CHD2: variants seen among roughly 807,000 people sequenced by gnomAD.
CHD2 encodes ATP-dependent chromatin remodeler CHD2.
CHD2 carries 28 observed loss-of-function variants against 243.9 expected under a neutral mutation model. That is an observed-to-expected ratio of 0.11 (90% CI 0.09 to 0.16). The LOEUF (loss-of-function observed/expected upper bound fraction) is 0.16, where lower values mean the gene tolerates loss of function less well. CHD2 is among the 10% of genes least tolerant of loss of function. The probability of loss-of-function intolerance (pLI) is 1.00; values close to 1 mark genes in which losing one functional copy is unlikely to be tolerated. For synonymous variants in CHD2, 775 were observed against 779.0 expected (o/e 0.99, Z 0.09); for missense variants, 1,386 against 2,209.8 (o/e 0.63, Z 7.47).
chr15:92,903,016 C>CT (rs1290168925), intron 2 of CHD2, among the ~76,000 whole-genome samples: 1 of 152,166 alleles, frequency 6.6e-6, no homozygotes, highest in Non-Finnish European at 1.5e-5. Flanking sequence ...GAAGCATGTA[C>CT]TGACTGTACT....
At chr15:93,003,286 CAAAA>C (rs397853913) in intron 33 of CHD2, among the ~76,000 whole-genome samples, 33 of 131,000 alleles carry the variant, frequency 2.5e-4, no homozygotes, top group Middle Eastern at 3.8e-3. Flanking sequence ...GACCTTGTCT[CAAAA>C]AAAAAAAAAA....
chr15:92,935,042 T>C (rs184193396), intron 5 of CHD2, among the ~76,000 whole-genome samples: 8 of 151,130 alleles, frequency 5.3e-5, no homozygotes, highest in East Asian at 1.9e-4. Flanking sequence ...TTCTTTCTTT[T>C]TTTTTTTTTT....
At chr15:93,010,545 T>A (rs537045699) in intron 35 of CHD2, among the ~76,000 whole-genome samples, 1 of 152,226 alleles carries the variant, frequency 6.6e-6, no homozygotes, top group East Asian at 1.9e-4. Context: ...TGCTTCAGCC[T>A]CCTAAGTAGC....
intron 5 of CHD2, among the ~76,000 whole-genome samples, chr15:92,936,466 G>GA (rs1370207262): frequency 6.6e-6 from 1 of 152,180 alleles, no homozygotes; most frequent in East Asian, 1.9e-4. Context: ...GGTGAGAAAT[G>GA]AGTGGGGTCC....
Position 92,939,570 on chromosome 15 carries a change from C to G in CHD2, c.552-8C>G. On this transcript the variant is annotated splice_region_variant and splice_polypyrimidine_tract_variant and intron_variant, in intron 6 of 38. Coordinates refer to ENST00000394196, the MANE Select transcript of CHD2 (RefSeq NM_001271.4). The stretch of plus-strand genomic sequence containing the variant: ...AGACTTAGCCTTTTGTTTCTCTTCT[C>G]ATTTTAGAACAGTGCCCAAACCTCG... 1 of 1,607,512 alleles carries G rather than the reference C, an allele frequency of 6.2e-7. No homozygotes were observed. Among genetic ancestry groups the G allele is most frequent in the South Asian group, 1.1e-5 (1 of 89,744 alleles).
intron 16 of CHD2, among the ~76,000 whole-genome samples, chr15:92,959,585 G>A (rs1415049836): frequency 4.6e-5 from 7 of 152,054 alleles, no homozygotes; most frequent in African/African-American, 7.2e-5. Flanking sequence ...TCTGCCTCCC[G>A]GGCTCAAGTG....
chr15:92,911,689 C>T (rs149318045), intron 2 of CHD2, among the ~76,000 whole-genome samples: 1,746 of 152,138 alleles, frequency 0.011, 10 homozygotes, highest in Middle Eastern at 0.051. Flanking sequence ...GAGCTCAGAT[C>T]GCACCACTCC....
intron 9 of CHD2, 114 bp downstream of exon 9, chr15:92,943,182 A>G (rs188090316): frequency 2.6e-6 from 2 of 778,688 alleles, no homozygotes; most frequent in Admixed American, 5.3e-5. Context: ...TGCTTTGATC[A>G]TCTAAACATG....
chr15:92,938,893 G>T (rs1473879419), intron 6 of CHD2, among the ~76,000 whole-genome samples: 1 of 152,132 alleles, frequency 6.6e-6, no homozygotes, highest in Non-Finnish European at 1.5e-5. Flanking sequence ...CTCTCAGGTA[G>T]TATTCCAGGT....
rs75674061 is a variant in CHD2, at chr15:93,015,402, C to T, written c.4906+493C>T. The stretch of plus-strand genomic sequence containing the variant: ...CCCCCAGGACTATTATTTCAACTTC[C>T]GATTAAGAAGAACCCAGCTAACATG... On this transcript the variant is annotated intron_variant, in intron 37 of 38. Transcript: ENST00000394196. Among the ~76,000 whole-genome samples, 456 of 152,162 alleles carry T rather than the reference C, an allele frequency of 3.0e-3. 1 individual carries two copies. The highest frequency in any genetic ancestry group is 0.01 in the African/African-American group (435 of 41,536).
chr15:92,906,573 C>T (rs975655859), intron 2 of CHD2, among the ~76,000 whole-genome samples: 3 of 152,022 alleles, frequency 2.0e-5, no homozygotes, highest in Non-Finnish European at 4.4e-5. Context: ...TCATTTCTCC[C>T]ATAAAATTTG....
intron 14 of CHD2, among the ~76,000 whole-genome samples, chr15:92,954,875 T>C (rs3817597): frequency 0.23 from 34,861 of 152,198 alleles, 4,464 homozygotes; most frequent in Middle Eastern, 0.32. Flanking sequence ...TGTCCAGTTA[T>C]ACTTCAGTAT....
intron 5 of CHD2, among the ~76,000 whole-genome samples, chr15:92,935,979 T>C (rs546185150): frequency 5.8e-4 from 88 of 152,150 alleles, no homozygotes; most frequent in Non-Finnish European, 1.1e-3. Context: ...TTTGCCTGAC[T>C]TTGGCTAAAC....
At chr15:92,926,846 C>T (rs921847856) in intron 3 of CHD2, among the ~76,000 whole-genome samples, 5 of 152,096 alleles carry the variant, frequency 3.3e-5, no homozygotes, top group Non-Finnish European at 5.9e-5. Context: ...GGGGCTTTGC[C>T]GCTTGTATTT....
intron 32 of CHD2, among the ~76,000 whole-genome samples, chr15:93,001,878 A>G (rs988844509): frequency 1.3e-5 from 2 of 152,216 alleles, no homozygotes; most frequent in African/African-American, 4.8e-5. Flanking sequence ...TTGTATAGGT[A>G]TATAATCTCT....
chr15:92,973,796 T>C (rs1419164762), intron 19 of CHD2, among the ~76,000 whole-genome samples: 3 of 152,202 alleles, frequency 2.0e-5, no homozygotes, highest in African/African-American at 7.2e-5. Flanking sequence ...GTCAGTGACT[T>C]TTAGATAATT....
intron 20 of CHD2, among the ~76,000 whole-genome samples, chr15:92,976,953 CATTT>C (rs930372791): frequency 3.3e-5 from 5 of 151,252 alleles, no homozygotes; most frequent in Non-Finnish European, 5.9e-5. Flanking sequence ...ATGCTTGTAC[CATTT>C]ATTTATTTAA....
chr15:93,017,069 G>A (rs921367620), intron 37 of CHD2, among the ~76,000 whole-genome samples: 2 of 152,160 alleles, frequency 1.3e-5, no homozygotes, highest in Non-Finnish European at 2.9e-5. Flanking sequence ...AATACACACC[G>A]ATTGCTAAGA....
At chr15:93,004,094 G>A (rs962605823) in intron 33 of CHD2, among the ~76,000 whole-genome samples, 4 of 149,652 alleles carry the variant, frequency 2.7e-5, no homozygotes, top group Non-Finnish European at 4.4e-5. Flanking sequence ...GCTGCACTCC[G>A]GCCAGGATGA....
Sources: gnomAD v4.1 joint callset for allele counts (sites outside exome capture counted in the v4.1 genomes callset) on GRCh38, gnomAD v4.1.1 for gene constraint, MANE v1.5 for transcripts, NCBI Gene and HGNC (gene_info 2026-07-23, HGNC 2026-07-21) for gene names.